Variants in AGPS observed in about 807,000 individuals in gnomAD.
AGPS encodes the protein alkyldihydroxyacetonephosphate synthase, peroxisomal.
AGPS carries 26 observed loss-of-function variants against 90.7 expected under a neutral mutation model. That is an observed-to-expected ratio of 0.29 (90% CI 0.21 to 0.40). The LOEUF (loss-of-function observed/expected upper bound fraction) is 0.40, where lower values mean the gene tolerates loss of function less well. Ranked by LOEUF, AGPS falls within the 10% of genes least tolerant of loss-of-function variation. The pLI, the probability that AGPS is intolerant of heterozygous loss-of-function variation, is 1.00. For missense variants in AGPS, 540 were observed against 816.1 expected, an observed-to-expected ratio of 0.66 and a Z score of 4.12; for synonymous variants, 294 against 285.3, an observed-to-expected ratio of 1.03 and a Z score of -0.31.
chr2:177,476,776 T>G (rs1687791711), intron 10 of AGPS, among the ~76,000 whole-genome samples: 1 of 152,148 alleles, frequency 6.6e-6, no homozygotes. Flanking sequence ...CAACTGTTAT[T>G]GTTGAATTAT....
rs974529672 is a variant in AGPS at position 177,420,499 on chromosome 2, T to A, written c.350+141T>A. 5.4e-5 allele frequency: 36 copies of A among 663,298 alleles called. No homozygotes were observed. In the African/African-American group the frequency reaches 6.5e-4, roughly 12 times the overall value. 41.1% of individuals were successfully genotyped at this position (663,298 alleles called of 1,614,324 possible). On this transcript the variant is annotated intron_variant, in intron 2 of 19. Transcript: ENST00000264167. Reference sequence around the variant, plus strand: ...TTTGCCATAACTGCTTTTTGTCTCCTGGTAATATTTCAAATTCTGATGTTG... The same window carrying A: ...TTTGCCATAACTGCTTTTTGTCTCCAGGTAATATTTCAAATTCTGATGTTG...
At chr2:177,496,197 G>T (rs950912615) in intron 12 of AGPS, among the ~76,000 whole-genome samples, 7 of 152,050 alleles carry the variant, frequency 4.6e-5, no homozygotes, top group African/African-American at 1.7e-4. Flanking sequence ...TACCCTTAAG[G>T]ATTATTTCAT....
At chr2:177,397,064 G>A (rs141066810) in intron 1 of AGPS, among the ~76,000 whole-genome samples, 5,304 of 151,370 alleles carry the variant, frequency 0.035, 201 homozygotes, top group African/African-American at 0.097. Context: ...CTCAGCCTCC[G>A]GAGTAGCTGG....
chr2:177,410,641 G>A (rs1685592868), intron 1 of AGPS, among the ~76,000 whole-genome samples: 1 of 152,142 alleles, frequency 6.6e-6, no homozygotes, highest in Non-Finnish European at 1.5e-5. Context: ...GCCTGTCTTA[G>A]GACCCCTCAG....
intron 2 of AGPS, among the ~76,000 whole-genome samples, chr2:177,421,094 G>A (rs895006183): frequency 1.3e-5 from 2 of 151,976 alleles, no homozygotes; most frequent in Non-Finnish European, 2.9e-5. Flanking sequence ...GGTCAGAATT[G>A]TAAAACGAGT....
rs1686831636 is a variant in AGPS, at chr2:177,448,143, A to G, written c.870+2517A>G. ...CTCACATTATCTTTCTTTGTTTCTA[A>G]TAGCTATTAGCTCTCACTGCAAACC... On this transcript the variant is annotated intron_variant, in intron 8 of 19. Transcript: ENST00000264167. Among the ~76,000 whole-genome samples, 3 of 152,108 alleles carry G rather than the reference A, an allele frequency of 2.0e-5. No individual in the cohort carries two copies. The South Asian group carries it at 6.2e-4, about 32-fold the overall frequency.
chr2:177,522,116 T>G (rs1425276607), intron 18 of AGPS, among the ~76,000 whole-genome samples: 1 of 152,152 alleles, frequency 6.6e-6, no homozygotes, highest in Non-Finnish European at 1.5e-5. Flanking sequence ...ACAATTCAAG[T>G]ACAGTAAGCT....
intron 19 of AGPS, among the ~76,000 whole-genome samples, chr2:177,526,427 A>T (rs1214560079): frequency 6.6e-6 from 1 of 151,992 alleles, no homozygotes. Context: ...ACGGGTTTTC[A>T]CCATGTTGGC....
chr2:177,414,155 ATTGGACC>A (rs1559036323), intron 1 of AGPS, among the ~76,000 whole-genome samples: 1 of 152,122 alleles, frequency 6.6e-6, no homozygotes, highest in East Asian at 1.9e-4. Context: ...TGTAGTAGGA[ATTGGACC>A]TTTGGGACGC....
intron 17 of AGPS, among the ~76,000 whole-genome samples, chr2:177,519,228 C>G (rs1478368158): frequency 6.6e-6 from 1 of 151,968 alleles, no homozygotes; most frequent in African/African-American, 2.4e-5. Context: ...TTTTTACTCT[C>G]CTTTGTTATC....
chr2:177,496,043 A>G (rs2105708509), intron 12 of AGPS, among the ~76,000 whole-genome samples: 1 of 152,232 alleles, frequency 6.6e-6, no homozygotes, highest in East Asian at 1.9e-4. Flanking sequence ...CTAATGCTTG[A>G]CCCACCTAAA....
intron 6 of AGPS, 94 bp downstream of exon 6, chr2:177,441,130 CATT>C: frequency 2.8e-6 from 3 of 1,072,908 alleles, no homozygotes; most frequent in African/African-American, 1.6e-5. Flanking sequence ...TGAAAACAAA[CATT>C]ATTGTAATTG....
intron 11 of AGPS, among the ~76,000 whole-genome samples, chr2:177,487,914 A>G (rs1688141903): frequency 6.6e-6 from 1 of 152,178 alleles, no homozygotes; most frequent in Non-Finnish European, 1.5e-5. Flanking sequence ...TTTCCTTAAT[A>G]TAAGTGGAGG....
chr2:177,509,577 A>T (rs1263884189), intron 16 of AGPS, among the ~76,000 whole-genome samples: 2 of 151,014 alleles, frequency 1.3e-5, no homozygotes, highest in East Asian at 3.9e-4. Context: ...GAGGCAGGAG[A>T]GTGGTGTGAA....
intron 8 of AGPS, among the ~76,000 whole-genome samples, chr2:177,460,988 C>G (rs184880186): frequency 4.1e-4 from 63 of 152,260 alleles, no homozygotes; most frequent in African/African-American, 1.3e-3. Flanking sequence ...ACTTTCACAC[C>G]ATACTTAAAT....
chr2:177,481,495 G>T (rs955093621), intron 10 of AGPS, among the ~76,000 whole-genome samples: 1 of 150,684 alleles, frequency 6.6e-6, no homozygotes, highest in Non-Finnish European at 1.5e-5. Context: ...TGACTACTTT[G>T]TCTCCATCTG....
intron 11 of AGPS, among the ~76,000 whole-genome samples, chr2:177,490,655 A>G (rs1179148113): frequency 1.3e-5 from 2 of 152,124 alleles, no homozygotes; most frequent in Non-Finnish European, 2.9e-5. Context: ...ATGATACAGC[A>G]GTTGCCCAGG....
chr2:177,458,581 C>T (rs964168837), intron 8 of AGPS, among the ~76,000 whole-genome samples: 3 of 152,038 alleles, frequency 2.0e-5, no homozygotes, highest in Non-Finnish European at 4.4e-5. Flanking sequence ...ACAATTGCTA[C>T]TAAGAGAATA....
At chr2:177,505,789 AAT>A (rs1225286873) in intron 15 of AGPS, among the ~76,000 whole-genome samples, 1 of 151,908 alleles carries the variant, frequency 6.6e-6, no homozygotes, top group Non-Finnish European at 1.5e-5. Flanking sequence ...AAGATGATTT[AAT>A]ATGTCTTTCT....
Sources: gnomAD v4.1 joint callset for allele counts (sites outside exome capture counted in the v4.1 genomes callset) on GRCh38, gnomAD v4.1.1 for gene constraint, MANE v1.5 for transcripts, NCBI Gene and HGNC (gene_info 2026-07-23, HGNC 2026-07-21) for gene names.